Variants in COL25A1 observed in about 807,000 individuals in gnomAD.
COL25A1 encodes the protein collagen type XXV alpha 1 chain, also known as collagen alpha-1(XXV) chain.
COL25A1 carries 103 observed loss-of-function variants against 128.4 expected under a neutral mutation model. The ratio of observed to expected loss-of-function variants is 0.80; its 90% CI spans 0.68 to 0.94. The LOEUF (loss-of-function observed/expected upper bound fraction) is 0.94, where lower values mean the gene tolerates loss of function less well. Ranked by LOEUF, COL25A1 falls within the 40% of genes least tolerant of loss-of-function variation. COL25A1 has a pLI of 0.00. For missense variants in COL25A1, 745 were observed against 840.0 expected, an observed-to-expected ratio of 0.89 and a Z score of 1.40; for synonymous variants, 279 against 277.2, an observed-to-expected ratio of 1.01 and a Z score of -0.06.
chr4:108,920,106 A>G (rs896279297), intron 12 of COL25A1, among the ~76,000 whole-genome samples: 2 of 152,148 alleles, frequency 1.3e-5, no homozygotes. Flanking sequence ...TGCGGATAAC[A>G]ATGAAATGAC....
At chr4:108,968,841 C>T (rs879762065) in intron 8 of COL25A1, among the ~76,000 whole-genome samples, 6 of 152,146 alleles carry the variant, frequency 3.9e-5, no homozygotes, top group South Asian at 2.1e-4. Context: ...CACTTATCCT[C>T]CCAACTTTCT....
intron 13 of COL25A1, among the ~76,000 whole-genome samples, chr4:108,907,454 T>C (rs1278110067): frequency 6.6e-6 from 1 of 152,188 alleles, no homozygotes; most frequent in Non-Finnish European, 1.5e-5. Context: ...AATTTTCATG[T>C]CATCTAAAGT....
chr4:108,984,737 C>A (rs1199872257), intron 6 of COL25A1, among the ~76,000 whole-genome samples: 3 of 152,236 alleles, frequency 2.0e-5, no homozygotes, highest in Non-Finnish European at 4.4e-5. Context: ...GCCTCTCCCT[C>A]CACACCTCCC....
intron 3 of COL25A1, among the ~76,000 whole-genome samples, chr4:109,170,780 T>C (rs948400271): frequency 2.0e-5 from 3 of 152,154 alleles, no homozygotes; most frequent in Non-Finnish European, 4.4e-5. Flanking sequence ...TCCAAAGTTT[T>C]TAAACAATGA....
At chr4:109,200,350 G>A (rs1776453690) in intron 3 of COL25A1, among the ~76,000 whole-genome samples, 1 of 152,106 alleles carries the variant, frequency 6.6e-6, no homozygotes, top group African/African-American at 2.4e-5. Flanking sequence ...CATGCATTCT[G>A]GCAATTTTAT....
At chr4:109,019,124 A>T (rs1004161388) in intron 5 of COL25A1, among the ~76,000 whole-genome samples, 1 of 152,006 alleles carries the variant, frequency 6.6e-6, no homozygotes, top group Non-Finnish European at 1.5e-5. Context: ...GCACAATCTA[A>T]TTAGCTTCCA....
At chr4:109,066,816 C>A (rs1211238149) in intron 3 of COL25A1, among the ~76,000 whole-genome samples, 2 of 152,036 alleles carry the variant, frequency 1.3e-5, no homozygotes, top group African/African-American at 4.8e-5. Context: ...GTGCATGACA[C>A]CACACCTGGC....
At chr4:109,133,534 C>T (rs1331152306) in intron 3 of COL25A1, among the ~76,000 whole-genome samples, 1 of 152,002 alleles carries the variant, frequency 6.6e-6, no homozygotes, top group Non-Finnish European at 1.5e-5. Flanking sequence ...GCCAAATTTG[C>T]TCAGTGTTTG....
At chr4:108,913,473 G>A (rs1744502850) in intron 13 of COL25A1, among the ~76,000 whole-genome samples, 1 of 151,868 alleles carries the variant, frequency 6.6e-6, no homozygotes, top group South Asian at 2.1e-4. Context: ...GGTCAGGCTG[G>A]TCTCGAACTC....
At chr4:109,185,625 T>A (rs1158341825) in intron 3 of COL25A1, among the ~76,000 whole-genome samples, 1 of 152,202 alleles carries the variant, frequency 6.6e-6, no homozygotes, top group Non-Finnish European at 1.5e-5. Flanking sequence ...AAATGCTAAA[T>A]CCCTAACCCC....
At chr4:109,224,815 C>G (rs7661851) in intron 3 of COL25A1, among the ~76,000 whole-genome samples, 10,010 of 152,138 alleles carry the variant, frequency 0.066, 860 homozygotes, top group African/African-American at 0.19. Flanking sequence ...TGGCAGGTGC[C>G]TGTAATCCCA....
intron 3 of COL25A1, among the ~76,000 whole-genome samples, chr4:109,050,416 A>G (rs1364843): frequency 0.38 from 57,237 of 151,546 alleles, 11,820 homozygotes; most frequent in East Asian, 0.66. Flanking sequence ...TAAGAAAACT[A>G]ACGATTGGGA....
rs898432680 is a variant in COL25A1, at chr4:108,916,840, C to G, written c.780+1332G>C. On this transcript the variant is annotated intron_variant, in intron 13 of 37. Coordinates refer to ENST00000399132, the MANE Select transcript of COL25A1 (RefSeq NM_198721.4). ...TAGCTGCGACATGGGCGGTTAACTG[C>G]TGGCGAGTGTGCGGTGTTTGGTTTA... Among the ~76,000 whole-genome samples, 4 of 152,266 alleles carry G rather than the reference C, an allele frequency of 2.6e-5. No individual in the cohort carries two copies. The East Asian group carries it at 7.7e-4, about 29-fold the overall frequency.
chr4:109,102,010 T>C (rs1175310497), intron 3 of COL25A1, among the ~76,000 whole-genome samples: 8 of 152,214 alleles, frequency 5.3e-5, no homozygotes, highest in Non-Finnish European at 1.0e-4. Flanking sequence ...TCTGTGATAT[T>C]TTGTCTCCCT....
At chr4:109,016,631 C>G (rs944719624) in intron 5 of COL25A1, among the ~76,000 whole-genome samples, 4 of 152,214 alleles carry the variant, frequency 2.6e-5, no homozygotes. Flanking sequence ...TGGGGACTAC[C>G]ACCTGCAGAA....
intron 8 of COL25A1, among the ~76,000 whole-genome samples, chr4:108,956,717 A>G (rs1182434200): frequency 6.6e-6 from 1 of 152,168 alleles, no homozygotes; most frequent in Non-Finnish European, 1.5e-5. Flanking sequence ...CAATATATGT[A>G]TTAATGAAAC....
chr4:109,233,942 C>T (rs1045377493), intron 3 of COL25A1, among the ~76,000 whole-genome samples: 1 of 152,112 alleles, frequency 6.6e-6, no homozygotes, highest in Non-Finnish European at 1.5e-5. Flanking sequence ...ACAAGGTCCA[C>T]AACTTGAGCA....
At chr4:108,817,584 ATTTCCCAGTGT>A in intron 36 of COL25A1, 149 bp from the exon 37 acceptor site, 2 of 628,018 alleles carry the variant, frequency 3.2e-6, no homozygotes, top group Middle Eastern at 2.7e-4. Flanking sequence ...CTCCCGATAT[ATTTCCCAGTGT>A]TAGGTAAAAT....
intron 15 of COL25A1, among the ~76,000 whole-genome samples, chr4:108,897,774 G>A (rs953755911): frequency 3.3e-5 from 5 of 152,130 alleles, no homozygotes; most frequent in African/African-American, 1.2e-4. Context: ...TCTTGGGAGG[G>A]GGGAGAAAGG....
Sources: allele counts gnomAD v4.1 joint callset (sites outside exome capture counted in the v4.1 genomes callset), GRCh38; gene constraint gnomAD v4.1.1; transcripts MANE v1.5; gene names NCBI Gene and HGNC (gene_info 2026-07-23, HGNC 2026-07-21).